The following HDAC9 variants were observed in gnomAD, a reference collection of about 807,000 sequenced individuals.
The protein encoded by HDAC9 is histone deacetylase 9, also known as MEF-2 interacting transcription repressor (MITR) protein.
In HDAC9, 41 loss-of-function variants were observed where a neutral mutation model predicts 139.4. The ratio of observed to expected loss-of-function variants is 0.29; its 90% CI spans 0.23 to 0.38. The LOEUF (loss-of-function observed/expected upper bound fraction) is 0.38, where lower values mean the gene tolerates loss of function less well. Among genes scored for constraint, HDAC9 ranks in the 10% least tolerant of loss-of-function variants. The pLI, the probability that HDAC9 is intolerant of heterozygous loss-of-function variation, is 1.00. For synonymous variants in HDAC9, 517 were observed against 476.2 expected (o/e 1.09, Z -1.12); for missense variants, 1,147 against 1,297.0 (o/e 0.88, Z 1.78).
intron 12 of HDAC9, among the ~76,000 whole-genome samples, chr7:18,718,421 C>A (rs936999915): frequency 6.6e-6 from 1 of 151,644 alleles, no homozygotes; most frequent in Non-Finnish European, 1.5e-5. Flanking sequence ...TTAGTAGAGA[C>A]GGGGTTTCAC....
At chr7:18,247,688 T>A (rs1794645723) in intron 2 of HDAC9, among the ~76,000 whole-genome samples, 1 of 152,200 alleles carries the variant, frequency 6.6e-6, no homozygotes, top group Non-Finnish European at 1.5e-5. Flanking sequence ...TAATTATAGT[T>A]AATTCTGGTG....
intron 1 of HDAC9, among the ~76,000 whole-genome samples, chr7:18,138,906 G>C (rs957453774): frequency 3.3e-5 from 5 of 151,990 alleles, no homozygotes; most frequent in African/African-American, 1.2e-4. Context: ...AATGATTCTA[G>C]CATGAGACAT....
intron 2 of HDAC9, among the ~76,000 whole-genome samples, chr7:18,584,137 A>ATTTTTT (rs140630559): frequency 3.2e-4 from 26 of 80,646 alleles, no homozygotes; most frequent in Admixed American, 4.1e-4. Flanking sequence ...AGAAAGCAGC[A>ATTTTTT]TTCTTTTTTT....
At chr7:18,764,028 A>G (rs918992931) in intron 15 of HDAC9, among the ~76,000 whole-genome samples, 1 of 152,196 alleles carries the variant, frequency 6.6e-6, no homozygotes, top group African/African-American at 2.4e-5. Flanking sequence ...TTTTATTCAT[A>G]AAACATGGCG....
rs544197877 is a variant in HDAC9 at position 18,655,785 on chromosome 7, A to T, written c.1467+7102A>T. On this transcript the variant is annotated intron_variant, in intron 11 of 25. Coordinates refer to ENST00000686413, the MANE Select transcript of HDAC9 (RefSeq NM_178425.4). ...ATCTAGTCAGAGACGCTTTTATTGA[A>T]TGAGAAAAACAATAGTTGGACATGA... Among the ~76,000 whole-genome samples the T allele has an allele frequency of 2.9e-4, 44 of 152,288 alleles. No individual in the cohort carries two copies. The South Asian group carries it at 6.2e-3, about 22-fold the overall frequency.
chr7:18,199,640 T>C (rs373730270), intron 2 of HDAC9, among the ~76,000 whole-genome samples: 1 of 150,818 alleles, frequency 6.6e-6, no homozygotes, highest in East Asian at 2.0e-4. Flanking sequence ...AAAAAATTAG[T>C]TGGGCGTGGT....
At chr7:18,424,391 G>C (rs949268357) in intron 1 of HDAC9, among the ~76,000 whole-genome samples, 6 of 152,096 alleles carry the variant, frequency 3.9e-5, no homozygotes, top group African/African-American at 1.4e-4. Context: ...TACTTCATCA[G>C]GATGCTATGA....
chr7:18,519,621 G>A (rs1424100728), intron 2 of HDAC9, among the ~76,000 whole-genome samples: 1 of 152,110 alleles, frequency 6.6e-6, no homozygotes, highest in East Asian at 1.9e-4. Flanking sequence ...ATTGTGGTTT[G>A]GAGGAAAGGG....
At chr7:18,442,690 A>G (rs956310726) in intron 1 of HDAC9, among the ~76,000 whole-genome samples, 3 of 152,202 alleles carry the variant, frequency 2.0e-5, no homozygotes, top group African/African-American at 7.2e-5. Context: ...CTGTCTTACT[A>G]CTTTACAATA....
chr7:18,289,064 G>C (rs1233237700), upstream of HDAC9, among the ~76,000 whole-genome samples: 4 of 152,156 alleles, frequency 2.6e-5, no homozygotes, highest in Admixed American at 6.5e-5. Flanking sequence ...AAAAGCCACA[G>C]ATGTAAGTGA....
At chr7:18,804,818 A>G (rs188129098) in intron 17 of HDAC9, among the ~76,000 whole-genome samples, 1 of 152,160 alleles carries the variant, frequency 6.6e-6, no homozygotes, top group African/African-American at 2.4e-5. Context: ...TTATTGAGAC[A>G]TGGTCTCACT....
rs563362953 is a variant in HDAC9 at position 18,659,799 on chromosome 7, A to G, written c.1468-6414A>G. On this transcript the variant is annotated intron_variant, in intron 11 of 25. Transcript: ENST00000686413. ...ATGAGGCCTCAGCAGAGATTCACAC[A>G]GGCTTGCACATTTATCTGTCCCACA... Among the ~76,000 whole-genome samples the G allele has an allele frequency of 3.9e-5, 6 of 152,274 alleles. No individual in the cohort carries two copies. The South Asian group carries it at 1.2e-3, about 32-fold the overall frequency.
In HDAC9 at chr7:18,811,245, C is replaced by G. The variant is rs114841986; in HGVS notation, c.2322+17793C>G. On this transcript the variant is annotated intron_variant, in intron 17 of 25. Transcript: ENST00000686413. ...TACTTTTTTTCTGTTTCCTATTTTACTGACTTCATCATTATTATTTCTCTT... is the reference window on the plus strand; with the variant it reads ...TACTTTTTTTCTGTTTCCTATTTTAGTGACTTCATCATTATTATTTCTCTT... Among the ~76,000 whole-genome samples, 1,266 of 151,426 alleles carry G rather than the reference C, an allele frequency of 8.4e-3. 14 individuals carry two copies. The highest frequency in any genetic ancestry group is 0.029 in the African/African-American group (1,195 of 41,402).
chr7:18,550,320 T>TA (rs1816701871), intron 2 of HDAC9, among the ~76,000 whole-genome samples: 1 of 152,196 alleles, frequency 6.6e-6, no homozygotes, highest in African/African-American at 2.4e-5. Flanking sequence ...CATTCTATGT[T>TA]ATGATTTCCC....
intron 1 of HDAC9, among the ~76,000 whole-genome samples, chr7:18,128,480 T>C (rs1414700513): frequency 6.6e-6 from 1 of 152,044 alleles, no homozygotes; most frequent in East Asian, 1.9e-4. Context: ...AGTTTGTTAC[T>C]GGCTTCAACA....
At chr7:18,600,336 T>A (rs1833622812) in intron 6 of HDAC9, among the ~76,000 whole-genome samples, 1 of 152,304 alleles carries the variant, frequency 6.6e-6, no homozygotes, top group East Asian at 1.9e-4. Flanking sequence ...TCGATCATGC[T>A]TTTAGTTTTA....
chr7:18,777,092 G>T (rs1254666973), intron 16 of HDAC9, among the ~76,000 whole-genome samples: 1 of 151,940 alleles, frequency 6.6e-6, no homozygotes, highest in African/African-American at 2.4e-5. Flanking sequence ...GGTTGGGGGT[G>T]GGGGCACACT....
chr7:18,544,124 G>T (rs933245575), intron 2 of HDAC9, among the ~76,000 whole-genome samples: 1 of 152,214 alleles, frequency 6.6e-6, no homozygotes, highest in African/African-American at 2.4e-5. Flanking sequence ...GTGAAAGCAG[G>T]ATGGTCAGCT....
At chr7:18,193,433 A>G (rs1261820588) in intron 2 of HDAC9, among the ~76,000 whole-genome samples, 1 of 152,208 alleles carries the variant, frequency 6.6e-6, no homozygotes, top group Non-Finnish European at 1.5e-5. Context: ...TCAAACAATT[A>G]AATTATTCTC....
Sources: gnomAD v4.1 joint callset for allele counts (sites outside exome capture counted in the v4.1 genomes callset) on GRCh38, gnomAD v4.1.1 for gene constraint, MANE v1.5 for transcripts, NCBI Gene and HGNC (gene_info 2026-07-23, HGNC 2026-07-21) for gene names.